Variants in ARHGAP26 observed in about 807,000 individuals in gnomAD.
The protein encoded by ARHGAP26 is rho GTPase-activating protein 26.
In ARHGAP26, 38 loss-of-function variants were observed where a neutral mutation model predicts 104.8. The observed-to-expected ratio is 0.36, with a 90% CI of 0.28 to 0.48. The LOEUF (loss-of-function observed/expected upper bound fraction) is 0.48. ARHGAP26 is among the 20% of genes least tolerant of loss of function. The pLI is 0.99. For synonymous variants in ARHGAP26, 341 were observed against 340.0 expected (o/e 1.00, Z -0.03); for missense variants, 704 against 947.9 (o/e 0.74, Z 3.38).
At chr5:143,097,377 AAAAAAAG>A (rs1792512724) in intron 17 of ARHGAP26, among the ~76,000 whole-genome samples, 1 of 151,328 alleles carries the variant, frequency 6.6e-6, no homozygotes, top group Admixed American at 6.6e-5. Flanking sequence ...AAAAAAAAAA[AAAAAAAG>A]AGCATATCTG....
chr5:142,786,487 T>C (rs1469297885), intron 1 of ARHGAP26, among the ~76,000 whole-genome samples: 3 of 151,956 alleles, frequency 2.0e-5, no homozygotes, highest in Admixed American at 6.6e-5. Context: ...TTTTTAGAGA[T>C]AGGATCTTGC....
chr5:143,005,235 A>G (rs1229424754), intron 11 of ARHGAP26, among the ~76,000 whole-genome samples: 1 of 152,254 alleles, frequency 6.6e-6, no homozygotes, highest in Admixed American at 6.5e-5. Flanking sequence ...TCAGAATCCC[A>G]TGTCCCTTCA....
chr5:143,087,654 TTTTTTTTTG>T (rs1790793073), intron 17 of ARHGAP26, among the ~76,000 whole-genome samples: 1 of 131,976 alleles, frequency 7.6e-6, no homozygotes. Context: ...TTTTTTTTTT[TTTTTTTTTG>T]AGACGGAGTT....
At chr5:142,812,447 C>G (rs185185983) in intron 1 of ARHGAP26, among the ~76,000 whole-genome samples, 315 of 152,008 alleles carry the variant, frequency 2.1e-3, no homozygotes, top group African/African-American at 7.5e-3. Context: ...AAGCAATTCT[C>G]GTGCCTCAGC....
chr5:142,770,736 C>A lies in ARHGAP26; in HGVS notation c.-26C>A, dbSNP rs893480880. ...CGGCCCGGGCCCCGGCGGAGGCGCGCCCCCCGGCTGGGCGCCGCGCGCACC... is the reference window on the plus strand; with the variant it reads ...CGGCCCGGGCCCCGGCGGAGGCGCGACCCCCGGCTGGGCGCCGCGCGCACC... On this transcript the variant is annotated 5_prime_UTR_variant, in exon 1 of 23. Transcript: ENST00000645722. 1.6e-6 allele frequency: 2 copies of A among 1,278,946 alleles called. No individual in the cohort carries two copies. The highest frequency in any genetic ancestry group is 1.0e-6 in the Non-Finnish European group (1 of 999,620). The allele number at this position is 1,278,946 out of a possible 1,614,324, so 79.2% of individuals were successfully genotyped here. A position where few individuals can be genotyped will look rare whatever the true frequency, so the allele number is the denominator to read the frequency against.
At chr5:143,056,613 A>G (rs1307936243) in intron 16 of ARHGAP26, among the ~76,000 whole-genome samples, 2 of 152,092 alleles carry the variant, frequency 1.3e-5, no homozygotes, top group African/African-American at 4.8e-5. Context: ...GTGTCATATT[A>G]CTGGTATTAA....
intron 20 of ARHGAP26, among the ~76,000 whole-genome samples, chr5:143,183,330 A>G (rs1422976331): frequency 6.6e-6 from 1 of 152,198 alleles, no homozygotes; most frequent in Non-Finnish European, 1.5e-5. Flanking sequence ...AAATGGGGCT[A>G]ATGGTAGGAC....
At chr5:143,129,344 TA>T (rs1797064126) in intron 18 of ARHGAP26, among the ~76,000 whole-genome samples, 1 of 152,338 alleles carries the variant, frequency 6.6e-6, no homozygotes, top group East Asian at 1.9e-4. Flanking sequence ...TGTCAAACTG[TA>T]TTAGGCGTGT....
chr5:142,786,449 A>G (rs1758647092), intron 1 of ARHGAP26, among the ~76,000 whole-genome samples: 1 of 151,954 alleles, frequency 6.6e-6, no homozygotes, highest in African/African-American at 2.4e-5. Flanking sequence ...GGAGCATGCT[A>G]CCATGCTCAG....
intron 13 of ARHGAP26, chr5:143,041,594 GA>G: frequency 8.6e-6 from 4 of 462,636 alleles, no homozygotes; most frequent in Non-Finnish European, 1.6e-5. Context: ...GAACTAACAT[GA>G]GGGCTGAAGT....
chr5:142,919,176 C>A (rs772589669), intron 10 of ARHGAP26: 8 of 398,252 alleles, frequency 2.0e-5, no homozygotes, highest in Admixed American at 4.4e-5. Flanking sequence ...TTAGGGTGGG[C>A]CTTAATGCGA....
At chr5:142,822,904 T>C (rs1453358233) in intron 1 of ARHGAP26, among the ~76,000 whole-genome samples, 1 of 152,216 alleles carries the variant, frequency 6.6e-6, no homozygotes, top group Non-Finnish European at 1.5e-5. Context: ...AGTAAATAGT[T>C]GCTGAGTGAT....
intron 20 of ARHGAP26, among the ~76,000 whole-genome samples, chr5:143,197,311 G>T (rs1807027827): frequency 6.6e-6 from 1 of 152,126 alleles, no homozygotes. Context: ...GAAAATGATT[G>T]TAGCAATTTA....
intron 1 of ARHGAP26, among the ~76,000 whole-genome samples, chr5:142,830,450 C>T (rs1014282372): frequency 1.3e-5 from 2 of 152,106 alleles, no homozygotes; most frequent in Non-Finnish European, 2.9e-5. Flanking sequence ...TGTTACATTT[C>T]CACAGGTTTG....
At chr5:142,938,186 G>A (rs1235617398) in intron 11 of ARHGAP26, among the ~76,000 whole-genome samples, 1 of 151,900 alleles carries the variant, frequency 6.6e-6, no homozygotes, top group Non-Finnish European at 1.5e-5. Context: ...TTATGGGGGG[G>A]GAAGTAGGGC....
chr5:142,966,245 G>C (rs1771308871), intron 11 of ARHGAP26, among the ~76,000 whole-genome samples: 1 of 152,190 alleles, frequency 6.6e-6, no homozygotes, highest in African/African-American at 2.4e-5. Context: ...TACACAGACA[G>C]CTCTCAGGTA....
intron 10 of ARHGAP26, among the ~76,000 whole-genome samples, chr5:142,931,222 A>T (rs1764665098): frequency 6.6e-6 from 1 of 152,208 alleles, no homozygotes; most frequent in Admixed American, 6.5e-5. Flanking sequence ...TGGTTTGGGG[A>T]CACTCTGGGA....
At chr5:142,777,038 G>A (rs114088250) in intron 1 of ARHGAP26, among the ~76,000 whole-genome samples, 1 of 152,308 alleles carries the variant, frequency 6.6e-6, no homozygotes, top group Non-Finnish European at 1.5e-5. Context: ...ACCTTTTCAT[G>A]TGTTTGTTGG....
intron 10 of ARHGAP26, among the ~76,000 whole-genome samples, chr5:142,925,346 C>A (rs4912886): frequency 0.019 from 2,941 of 152,240 alleles, 82 homozygotes; most frequent in Admixed American, 0.071. Flanking sequence ...AAAGAAAAAA[C>A]CAAGAGCAAC....
Sources: gnomAD v4.1 joint callset for allele counts (sites outside exome capture counted in the v4.1 genomes callset) on GRCh38, gnomAD v4.1.1 for gene constraint, MANE v1.5 for transcripts, NCBI Gene and HGNC (gene_info 2026-07-23, HGNC 2026-07-21) for gene names.